Variants in RASA2 observed in about 807,000 individuals in gnomAD.
RASA2 encodes the protein ras GTPase-activating protein 2.
In RASA2, 155 loss-of-function variants were observed where a neutral mutation model predicts 118.2. That is an observed-to-expected ratio of 1.31 (90% CI 1.15 to 1.50). The LOEUF is 1.50. Ranked by LOEUF, RASA2 falls within the 40% of genes most tolerant of loss-of-function variation. The pLI is 0.00. For missense variants in RASA2, 1,016 were observed against 1,009.6 expected (o/e 1.01, Z -0.09); for synonymous variants, 353 against 349.1 (o/e 1.01, Z -0.12).
At chr3:141,509,252 C>T (rs994613237) in intron 1 of RASA2, among the ~76,000 whole-genome samples, 1 of 152,150 alleles carries the variant, frequency 6.6e-6, no homozygotes, top group Non-Finnish European at 1.5e-5. Flanking sequence ...GGAAAGGATG[C>T]TTGGTACATT....
Position 141,487,064 on chromosome 3 carries a change from G to C in RASA2, c.-20G>C. Reference sequence around the variant, plus strand: ...CCGGCTACGCAGGCGGCAGGGCTGCGGCACGGGCCGGGCGGCACCATGGCG... The same window carrying C: ...CCGGCTACGCAGGCGGCAGGGCTGCCGCACGGGCCGGGCGGCACCATGGCG... On this transcript the variant is annotated 5_prime_UTR_variant, in exon 1 of 24. Coordinates refer to ENST00000286364, the MANE Select transcript of RASA2 (RefSeq NM_006506.5). 5 of 1,251,428 alleles carry C rather than the reference G, an allele frequency of 4.0e-6. No individual in the cohort carries two copies. Among genetic ancestry groups the C allele is most frequent in the South Asian group, 2.5e-5 (1 of 39,564 alleles). The allele number at this position is 1,251,428 out of a possible 1,614,324, so 77.5% of individuals were successfully genotyped here.
intron 9 of RASA2, among the ~76,000 whole-genome samples, chr3:141,560,245 T>C (rs1246739227): frequency 6.6e-6 from 1 of 152,186 alleles, no homozygotes; most frequent in African/African-American, 2.4e-5. Context: ...TGAAGACGAC[T>C]CTTAAGGAGA....
chr3:141,506,941 A>C (rs1278105712), intron 1 of RASA2, among the ~76,000 whole-genome samples: 1 of 151,988 alleles, frequency 6.6e-6, no homozygotes, highest in South Asian at 2.1e-4. Context: ...AAGAAAAAGA[A>C]AAAAGAATTT....
Position 141,559,945 on chromosome 3 carries a change from G to A in RASA2, c.813G>A (p.Glu271=), listed in dbSNP as rs1160328152. 2 of 1,613,322 alleles carry A rather than the reference G, an allele frequency of 1.2e-6. No homozygotes were observed. Among genetic ancestry groups the A allele is most frequent in the South Asian group, 1.1e-5 (1 of 91,056 alleles). Reference sequence around the variant, plus strand: ...TAGTCCAAGATGTTTTCCTAGGTGAGATTAAGGTTCCTGTGAACGTATTAA... The same window carrying A: ...TAGTCCAAGATGTTTTCCTAGGTGAAATTAAGGTTCCTGTGAACGTATTAA... ...GNLVQDVFLG[E]IKVPVNVLRT... The change falls in exon 9 of 24, where the codon GAG becomes GAA. Residue 271 remains glutamate (E), a synonymous_variant. Transcript: ENST00000286364.
Position 141,609,466 on chromosome 3 carries a change from A to G in RASA2, c.2272A>G (p.Thr758Ala), listed in dbSNP as rs756100670. ...IQIDIDEDRE[T>A]ERIYSLFTLS... ...AATAGATATTGATGAAGACAGAGAAACAGAAAGAATTTATTCCCTTTTTAC... is the reference window on the plus strand; with the variant it reads ...AATAGATATTGATGAAGACAGAGAAGCAGAAAGAATTTATTCCCTTTTTAC... The change falls in exon 22 of 24, where the codon ACA (threonine) becomes GCA (alanine). Residue 758 changes from threonine to alanine, a missense_variant. By Grantham distance (58) the Thr-to-Ala change is moderately conservative (BLOSUM62 0). Around this residue, in one of 2 missense-constraint regions of RASA2, gnomAD observed 120 missense variants for 173.2 expected, o/e 0.69. Transcript: ENST00000286364. 1.2e-6 allele frequency: 2 copies of G among 1,606,046 alleles called. No individual in the cohort carries two copies. Among genetic ancestry groups the G allele is most frequent in the Admixed American group, 3.3e-5 (2 of 59,802 alleles).
intron 1 of RASA2, among the ~76,000 whole-genome samples, chr3:141,504,825 A>G (rs966942427): frequency 1.3e-5 from 2 of 151,570 alleles, no homozygotes; most frequent in Non-Finnish European, 2.9e-5. Flanking sequence ...ATCTCTTACT[A>G]TCTCCTCCCT....
At chr3:141,519,016 A>T (rs1444834186) in intron 3 of RASA2, among the ~76,000 whole-genome samples, 2 of 152,170 alleles carry the variant, frequency 1.3e-5, no homozygotes, top group Admixed American at 6.5e-5. Context: ...GGGCATCCTC[A>T]ATGGTGTTGC....
intron 22 of RASA2, 141 bp downstream of exon 22, chr3:141,609,664 A>C: frequency 6.2e-6 from 5 of 808,970 alleles, no homozygotes; most frequent in Non-Finnish European, 7.3e-6. Flanking sequence ...ACCCACAGAG[A>C]GGCATTTTTC....
intron 19 of RASA2, among the ~76,000 whole-genome samples, chr3:141,590,622 A>C (rs2083273354): frequency 6.6e-6 from 1 of 152,232 alleles, no homozygotes; most frequent in South Asian, 2.1e-4. Flanking sequence ...GCTGTTTTCT[A>C]GGTAGCCAAG....
chr3:141,490,335 CAAAA>C (rs3075070), intron 1 of RASA2, among the ~76,000 whole-genome samples: 10,120 of 93,644 alleles, frequency 0.11, 550 homozygotes, highest in East Asian at 0.34. Context: ...CTCCTCCCCT[CAAAA>C]AAAAAAAAAA....
intron 1 of RASA2, among the ~76,000 whole-genome samples, chr3:141,499,514 C>T (rs2081748970): frequency 6.6e-6 from 1 of 152,208 alleles, no homozygotes; most frequent in East Asian, 1.9e-4. Context: ...CCTGTGCCCA[C>T]TCAAGTGTTT....
At chr3:141,592,601 G>A (rs763874151) in intron 19 of RASA2, among the ~76,000 whole-genome samples, 12 of 152,090 alleles carry the variant, frequency 7.9e-5, no homozygotes, top group Non-Finnish European at 1.8e-4. Flanking sequence ...GCAGTTAAGA[G>A]ACTACTAAAA....
intron 1 of RASA2, among the ~76,000 whole-genome samples, chr3:141,489,663 T>C (rs2081617054): frequency 6.6e-6 from 1 of 152,222 alleles, no homozygotes; most frequent in Admixed American, 6.5e-5. Context: ...ATTTCTGGAC[T>C]TGCATAGGAC....
intron 23 of RASA2, among the ~76,000 whole-genome samples, chr3:141,610,364 ATATATT>A (rs1166687787): frequency 1.4e-4 from 17 of 121,422 alleles, no homozygotes; most frequent in Admixed American, 6.3e-4. Context: ...TTTATATATT[ATATATT>A]TATATTTATA....
At chr3:141,548,058 T>G (rs1010427471) in intron 5 of RASA2, among the ~76,000 whole-genome samples, 13 of 152,222 alleles carry the variant, frequency 8.5e-5, no homozygotes, top group Admixed American at 7.9e-4. Flanking sequence ...TGAATGATCT[T>G]TTTAACGTGT....
At chr3:141,579,994 T>TA (rs2083076275) in intron 15 of RASA2, among the ~76,000 whole-genome samples, 1 of 142,052 alleles carries the variant, frequency 7.0e-6, no homozygotes, top group Non-Finnish European at 1.5e-5. Context: ...AGGTGGAGGT[T>TA]ACAGTGAGCT....
intron 17 of RASA2, among the ~76,000 whole-genome samples, chr3:141,581,458 T>C (rs2083112431): frequency 6.6e-6 from 1 of 152,192 alleles, no homozygotes; most frequent in South Asian, 2.1e-4. Flanking sequence ...CTATTGGCAT[T>C]TGGGGCCAGA....
At chr3:141,550,444 A>G (rs1420445252) in intron 5 of RASA2, among the ~76,000 whole-genome samples, 1 of 152,234 alleles carries the variant, frequency 6.6e-6, no homozygotes, top group Non-Finnish European at 1.5e-5. Context: ...AGACATGACA[A>G]CTAAATGCAC....
chr3:141,564,919 A>G (rs543595859), intron 9 of RASA2, among the ~76,000 whole-genome samples: 1 of 152,298 alleles, frequency 6.6e-6, no homozygotes, highest in Non-Finnish European at 1.5e-5. Context: ...CATAAATTTA[A>G]TAATTGACCT....
Sources: gnomAD v4.1 joint callset for allele counts (sites outside exome capture counted in the v4.1 genomes callset) on GRCh38, gnomAD v4.1.1 for gene constraint, gnomAD v4.1.1 regional missense constraint, MANE v1.5 for transcripts, NCBI Gene and HGNC (gene_info 2026-07-23, HGNC 2026-07-21) for gene names.